Variants in PCDH11Y observed in about 807,000 individuals in gnomAD.
The protein encoded by PCDH11Y is protocadherin-11 Y-linked.
For missense variants in PCDH11Y, 12 were observed against 224.8 expected (o/e 0.05, Z 6.05); for synonymous variants, 9 against 83.6 (o/e 0.11, Z 4.87).
chrY:5,513,706 T>G, intron 3 of PCDH11Y, among the ~76,000 whole-genome samples: 1 of 32,574 alleles, frequency 3.1e-5, no homozygotes, highest in African/African-American at 1.2e-4. Context: ...ACAAAAAAGA[T>G]GCAGATAAGT....
intron 4 of PCDH11Y, among the ~76,000 whole-genome samples, chrY:5,604,096 G>C: frequency 3.1e-5 from 1 of 32,098 alleles, no homozygotes; most frequent in African/African-American, 1.2e-4. Context: ...CTGAGAATTT[G>C]ACAGCCAAAT....
intron 2 of PCDH11Y, among the ~76,000 whole-genome samples, chrY:5,365,353 G>A (rs2053179355): frequency 3.0e-5 from 1 of 32,864 alleles, no homozygotes; most frequent in East Asian, 7.9e-4. Flanking sequence ...GCTCAAAAAT[G>A]TTTATTTAGT....
chrY:5,706,022 C>T, intron 4 of PCDH11Y, among the ~76,000 whole-genome samples: 1 of 29,403 alleles, frequency 3.4e-5, no homozygotes, highest in Non-Finnish European at 8.1e-5. Flanking sequence ...AAATTATGAA[C>T]TCTACACAGA....
At chrY:5,480,937 G>C in intron 2 of PCDH11Y, among the ~76,000 whole-genome samples, 1 of 33,331 alleles carries the variant, frequency 3.0e-5, no homozygotes, top group Non-Finnish European at 7.4e-5. Flanking sequence ...TCAGACTGCT[G>C]TGCTGGCAGT....
intron 1 of PCDH11Y, among the ~76,000 whole-genome samples, chrY:5,010,654 TGAATGCCTCAGAACTGCATACA>T (rs2052548115): frequency 3.9e-5 from 1 of 25,734 alleles, no homozygotes; most frequent in African/African-American, 1.6e-4. Context: ...ACAGACATTC[TGAATGCCTCAGAACTGCATACA>T]GGAGTAAACA....
At chrY:5,316,687 G>A (rs2053107867) in intron 2 of PCDH11Y, among the ~76,000 whole-genome samples, 1 of 33,235 alleles carries the variant, frequency 3.0e-5, no homozygotes, top group South Asian at 6.9e-4. Flanking sequence ...GGAATTTATG[G>A]TTTGTAGGGT....
intron 4 of PCDH11Y, among the ~76,000 whole-genome samples, chrY:5,650,822 GA>G (rs2053530972): frequency 9.9e-4 from 30 of 30,198 alleles, no homozygotes; most frequent in Admixed American, 7.5e-3. Flanking sequence ...TACTAATACT[GA>G]AAAAAAAATT....
chrY:5,446,027 G>T, intron 2 of PCDH11Y, among the ~76,000 whole-genome samples: 2 of 33,023 alleles, frequency 6.1e-5, no homozygotes, highest in African/African-American at 2.4e-4. Context: ...CAATTTATTT[G>T]CACTGTTACA....
intron 2 of PCDH11Y, among the ~76,000 whole-genome samples, chrY:5,486,726 TACACA>T (rs2053333040): frequency 5.9e-3 from 56 of 9,434 alleles, no homozygotes; most frequent in African/African-American, 0.032. Flanking sequence ...TATATATATA[TACACA>T]TATATATATA....
intron 3 of PCDH11Y, among the ~76,000 whole-genome samples, chrY:5,049,710 G>A (rs2052648525): frequency 3.2e-5 from 1 of 31,440 alleles, no homozygotes; most frequent in African/African-American, 1.2e-4. Context: ...ACAGGCGCCC[G>A]CCACCACGCC....
intron 3 of PCDH11Y, among the ~76,000 whole-genome samples, chrY:5,532,562 A>C: frequency 3.7e-5 from 1 of 26,914 alleles, no homozygotes; most frequent in Non-Finnish European, 8.4e-5. Context: ...GCAGGTGTGC[A>C]CTGCTGCACC....
intron 4 of PCDH11Y, among the ~76,000 whole-genome samples, chrY:5,620,918 T>C (rs2053498813): frequency 3.0e-5 from 1 of 33,182 alleles, no homozygotes; most frequent in Non-Finnish European, 7.4e-5. Context: ...GAACCATATA[T>C]GACAAACCCA....
intron 2 of PCDH11Y, among the ~76,000 whole-genome samples, chrY:5,449,842 C>T: frequency 3.0e-5 from 1 of 33,320 alleles, no homozygotes; most frequent in African/African-American, 1.2e-4. Context: ...AGAAAATTTC[C>T]TTAAATGTAT....
intron 4 of PCDH11Y, among the ~76,000 whole-genome samples, chrY:5,734,125 A>G: frequency 3.1e-5 from 1 of 32,768 alleles, no homozygotes; most frequent in Non-Finnish European, 7.5e-5. Context: ...TTCTGTCTGC[A>G]TGTGTTGTGA....
chrY:5,232,001 C>G, intron 2 of PCDH11Y, among the ~76,000 whole-genome samples: 1 of 32,424 alleles, frequency 3.1e-5, no homozygotes, highest in Admixed American at 2.8e-4. Context: ...CTTAAGTCAA[C>G]TTATTGTGAA....
At chrY:5,452,318 C>T (rs71202903) in intron 2 of PCDH11Y, among the ~76,000 whole-genome samples, 16 of 33,610 alleles carry the variant, frequency 4.8e-4, no homozygotes, top group Non-Finnish European at 8.1e-4. Context: ...ATAGAAGATT[C>T]TTATTCAAAT....
At chrY:5,526,288 G>A (rs2124690971) in intron 3 of PCDH11Y, among the ~76,000 whole-genome samples, 1 of 28,402 alleles carries the variant, frequency 3.5e-5, no homozygotes, top group South Asian at 8.8e-4. Flanking sequence ...TCCTGTGGTG[G>A]TTCTTGGAGC....
chrY:5,482,607 A>G, intron 2 of PCDH11Y, among the ~76,000 whole-genome samples: 2 of 32,848 alleles, frequency 6.1e-5, no homozygotes, highest in Non-Finnish European at 1.5e-4. Flanking sequence ...ATCTGTTTTC[A>G]CCTTTTATCC....
At chrY:5,295,494 A>G (rs2053072621) in intron 2 of PCDH11Y, among the ~76,000 whole-genome samples, 4 of 32,666 alleles carry the variant, frequency 1.2e-4, no homozygotes, top group African/African-American at 4.7e-4. Context: ...TTCCTGCCTC[A>G]GCCTCCTGAG....
Sources: allele counts gnomAD v4.1 joint callset (sites outside exome capture counted in the v4.1 genomes callset), GRCh38; gene constraint gnomAD v4.1.1; transcripts MANE v1.5; gene names NCBI Gene and HGNC (gene_info 2026-07-23, HGNC 2026-07-21).